Variants in RAB8B observed in about 807,000 individuals in gnomAD.
RAB8B encodes RAB8B, member RAS oncogene family, also known as ras-related protein Rab-8B.
RAB8B carries 11 observed loss-of-function variants against 32.0 expected under a neutral mutation model. That is an observed-to-expected ratio of 0.34 (90% confidence interval 0.22 to 0.57). RAB8B has a LOEUF of 0.57. RAB8B is among the 20% of genes least tolerant of loss of function. RAB8B has a pLI of 0.86. For synonymous variants in RAB8B, 103 were observed against 89.6 expected (o/e 1.15, Z -0.85); for missense variants, 190 against 258.5 (o/e 0.73, Z 1.82).
At chr15:63,232,976 A>G (rs1453277164) in intron 1 of RAB8B, among the ~76,000 whole-genome samples, 1 of 152,014 alleles carries the variant, frequency 6.6e-6, no homozygotes, top group Non-Finnish European at 1.5e-5. Context: ...ACTTGGTGAA[A>G]ATAGCTTTAT....
chr15:63,214,286 C>CTTTTTTTT lies in RAB8B; in HGVS notation c.124+24554_124+24561dup, dbSNP rs34415858. On this transcript the variant is annotated intron_variant, in intron 1 of 7. Coordinates refer to ENST00000321437, the MANE Select transcript of RAB8B (RefSeq NM_016530.3). ...GGAAATGGGTACGCTCAGTTTCTTT[C>CTTTTTTTT]TTTTTTTTTTTTTTTTTTTTTTTGA... Among the ~76,000 whole-genome samples, 98 of 95,640 alleles carry CTTTTTTTT rather than the reference C, an allele frequency of 1.0e-3. 1 individual carries two copies. Among genetic ancestry groups the CTTTTTTTT allele is most frequent in the South Asian group, 1.7e-3 (4 of 2,348 alleles). The allele number at this position is 95,640 out of a possible 152,430, so 62.7% of individuals were successfully genotyped here.
chr15:63,210,614 A>G (rs2037738769), intron 1 of RAB8B, among the ~76,000 whole-genome samples: 1 of 152,188 alleles, frequency 6.6e-6, no homozygotes, highest in Non-Finnish European at 1.5e-5. Flanking sequence ...TTTCACACCA[A>G]AGCACTGAGA....
chr15:63,223,997 T>C, intron 1 of RAB8B: 1 of 236,966 alleles, frequency 4.2e-6, no homozygotes, highest in Middle Eastern at 4.5e-4. Flanking sequence ...ACTCATTCTC[T>C]CCGTGTGGAG....
chr15:63,227,099 G>T (rs2037895001), intron 1 of RAB8B, among the ~76,000 whole-genome samples: 1 of 152,162 alleles, frequency 6.6e-6, no homozygotes, highest in African/African-American at 2.4e-5. Context: ...TTATCAGCAA[G>T]GTCTTTATGA....
intron 1 of RAB8B, among the ~76,000 whole-genome samples, chr15:63,238,081 C>T (rs561390893): frequency 1.6e-4 from 25 of 152,124 alleles, no homozygotes; most frequent in African/African-American, 6.0e-4. Flanking sequence ...CTGTTCTGTT[C>T]CACTGGTATA....
intron 3 of RAB8B, among the ~76,000 whole-genome samples, chr15:63,254,125 A>G (rs745465282): frequency 6.6e-6 from 1 of 152,178 alleles, no homozygotes; most frequent in Non-Finnish European, 1.5e-5. Context: ...CTCTGGTTCA[A>G]CATCAGCAAG....
intron 2 of RAB8B, among the ~76,000 whole-genome samples, chr15:63,247,619 T>C (rs1424279744): frequency 6.6e-6 from 1 of 152,214 alleles, no homozygotes. Flanking sequence ...CTAATGTGTA[T>C]TGATGACAGC....
At chr15:63,250,779 TA>T (rs1227909758) in intron 3 of RAB8B, among the ~76,000 whole-genome samples, 1 of 150,236 alleles carries the variant, frequency 6.7e-6, no homozygotes, top group East Asian at 1.9e-4. Context: ...TGAAATCTAG[TA>T]TGCTCAGAGT....
At chr15:63,213,837 C>G (rs572544116) in intron 1 of RAB8B, among the ~76,000 whole-genome samples, 1 of 152,124 alleles carries the variant, frequency 6.6e-6, no homozygotes, top group African/African-American at 2.4e-5. Context: ...AATCCCAGCA[C>G]TTTGGGAGGC....
chr15:63,229,627 A>G (rs1459364127), intron 1 of RAB8B, among the ~76,000 whole-genome samples: 3 of 152,010 alleles, frequency 2.0e-5, no homozygotes, highest in East Asian at 3.9e-4. Context: ...CTAAAAATCC[A>G]AAAATTAGCC....
chr15:63,258,552 A>G (rs2038176608), intron 5 of RAB8B, among the ~76,000 whole-genome samples: 1 of 152,260 alleles, frequency 6.6e-6, no homozygotes, highest in African/African-American at 2.4e-5. Context: ...GAATTGGACA[A>G]AATGCACACA....
chr15:63,237,924 G>A (rs2037996231), intron 1 of RAB8B, among the ~76,000 whole-genome samples: 1 of 152,028 alleles, frequency 6.6e-6, no homozygotes, highest in African/African-American at 2.4e-5. Flanking sequence ...GGCAAGAGGT[G>A]GGGGTCTAGT....
intron 1 of RAB8B, among the ~76,000 whole-genome samples, chr15:63,235,064 G>A (rs568364097): frequency 6.6e-6 from 1 of 152,094 alleles, no homozygotes; most frequent in Non-Finnish European, 1.5e-5. Context: ...ACTTGATCCA[G>A]TATTAGTTAC....
chr15:63,255,473 A>G (rs754208280), intron 3 of RAB8B, 34 bp from the exon 4 acceptor site: 3 of 1,392,624 alleles, frequency 2.2e-6, no homozygotes, highest in Admixed American at 1.8e-5. Context: ...TAAATATATA[A>G]AGTACTAAAT....
At chr15:63,214,286 CTT>C (rs34415858) in intron 1 of RAB8B, among the ~76,000 whole-genome samples, 4 of 95,636 alleles carry the variant, frequency 4.2e-5, no homozygotes, top group Non-Finnish European at 4.1e-5. Flanking sequence ...CAGTTTCTTT[CTT>C]TTTTTTTTTT....
At chr15:63,225,872 G>A (rs994916079) in intron 1 of RAB8B, among the ~76,000 whole-genome samples, 5 of 151,752 alleles carry the variant, frequency 3.3e-5, no homozygotes, top group East Asian at 3.9e-4. Context: ...AGAGGGTCTC[G>A]CTCTGTCACC....
At chr15:63,191,647 T>C (rs2037556774) in intron 1 of RAB8B, among the ~76,000 whole-genome samples, 1 of 152,230 alleles carries the variant, frequency 6.6e-6, no homozygotes, top group South Asian at 2.1e-4. Context: ...GCAGTACAGA[T>C]GGTAAAGGAT....
intron 1 of RAB8B, among the ~76,000 whole-genome samples, chr15:63,239,735 T>C (rs2038016331): frequency 6.6e-6 from 1 of 152,218 alleles, no homozygotes; most frequent in Non-Finnish European, 1.5e-5. Context: ...AAAGCCATCT[T>C]TACCCTTAGT....
At chr15:63,206,250 G>C (rs1415530885) in intron 1 of RAB8B, among the ~76,000 whole-genome samples, 1 of 152,012 alleles carries the variant, frequency 6.6e-6, no homozygotes, top group Non-Finnish European at 1.5e-5. Context: ...AGTAATAAAT[G>C]CCTGCTAACT....
Sources: allele counts gnomAD v4.1 joint callset (sites outside exome capture counted in the v4.1 genomes callset), GRCh38; gene constraint gnomAD v4.1.1; transcripts MANE v1.5; gene names NCBI Gene and HGNC (gene_info 2026-07-23, HGNC 2026-07-21).